The following AKT3 variants were observed in gnomAD, a reference collection of about 807,000 sequenced individuals.
The protein encoded by AKT3 is AKT serine/threonine kinase 3.
Under a neutral mutation model 65.3 loss-of-function variants are expected in AKT3, and 15 were observed. That is an observed-to-expected ratio of 0.23 (90% CI 0.15 to 0.35). AKT3 has a LOEUF of 0.35. AKT3 is among the 10% of genes least tolerant of loss of function. The pLI, the probability that AKT3 is intolerant of heterozygous loss-of-function variation, is 1.00. For missense variants in AKT3, 243 were observed against 576.5 expected (o/e 0.42, Z 5.92); for synonymous variants, 206 against 183.8 (o/e 1.12, Z -0.98).
chr1:243,670,921 AATAC>A (rs1465307577), intron 3 of AKT3, among the ~76,000 whole-genome samples: 1 of 152,188 alleles, frequency 6.6e-6, no homozygotes, highest in African/African-American at 2.4e-5. Flanking sequence ...CAGACCAAGA[AATAC>A]ATACACCAAA....
At chr1:243,791,481 T>C (rs898601122) in intron 2 of AKT3, among the ~76,000 whole-genome samples, 7 of 152,208 alleles carry the variant, frequency 4.6e-5, no homozygotes, top group African/African-American at 1.7e-4. Context: ...CTCTGATTCA[T>C]TATACCTTTA....
chr1:243,681,017 T>C (rs1464198566), intron 3 of AKT3, among the ~76,000 whole-genome samples: 1 of 152,110 alleles, frequency 6.6e-6, no homozygotes, highest in Non-Finnish European at 1.5e-5. Flanking sequence ...GGCCCTACTG[T>C]AAGGTAGTCA....
intron 2 of AKT3, among the ~76,000 whole-genome samples, chr1:243,767,274 G>C (rs549066429): frequency 1.3e-5 from 2 of 151,998 alleles, no homozygotes; most frequent in Non-Finnish European, 2.9e-5. Context: ...ATGAGGAGGG[G>C]GCAATCAATA....
intron 12 of AKT3, among the ~76,000 whole-genome samples, chr1:243,517,694 T>A (rs1670454871): frequency 6.6e-6 from 1 of 152,244 alleles, no homozygotes; most frequent in Non-Finnish European, 1.5e-5. Flanking sequence ...TATCTTACAT[T>A]TAAAGTTGGT....
chr1:243,805,743 G>T (rs1021454056), intron 2 of AKT3, among the ~76,000 whole-genome samples: 2 of 151,934 alleles, frequency 1.3e-5, no homozygotes, highest in Non-Finnish European at 2.9e-5. Context: ...TCTTGCTGTT[G>T]GACTTCTCTA....
chr1:243,543,417 C>T (rs571447157), intron 12 of AKT3, among the ~76,000 whole-genome samples: 1 of 151,386 alleles, frequency 6.6e-6, no homozygotes, highest in African/African-American at 2.4e-5. Flanking sequence ...CACATTGGTA[C>T]CTCAACCATT....
chr1:243,513,771 T>C (rs1269376394), intron 12 of AKT3, among the ~76,000 whole-genome samples: 2 of 152,202 alleles, frequency 1.3e-5, no homozygotes, highest in Non-Finnish European at 2.9e-5. Context: ...CAGCTGGTAA[T>C]GGCGACTAAT....
intron 2 of AKT3, among the ~76,000 whole-genome samples, chr1:243,817,878 A>G (rs1693622443): frequency 6.6e-6 from 1 of 152,264 alleles, no homozygotes. Flanking sequence ...AATTCTATCC[A>G]TGAATTAACT....
chr1:243,753,573 C>T (rs1393357192), intron 2 of AKT3, among the ~76,000 whole-genome samples: 1 of 152,140 alleles, frequency 6.6e-6, no homozygotes, highest in African/African-American at 2.4e-5. Context: ...AAAGAAATGT[C>T]CTTTCAGTAT....
At chr1:243,839,691 A>C (rs997564586) in intron 2 of AKT3, among the ~76,000 whole-genome samples, 1 of 152,148 alleles carries the variant, frequency 6.6e-6, no homozygotes, top group Non-Finnish European at 1.5e-5. Flanking sequence ...ATATTTACTG[A>C]AAAGCAACTT....
At chr1:243,596,016 G>A (rs571808341) in intron 8 of AKT3, among the ~76,000 whole-genome samples, 4 of 152,306 alleles carry the variant, frequency 2.6e-5, no homozygotes, top group South Asian at 2.1e-4. Flanking sequence ...AAACATGTGA[G>A]TAATGCACTG....
At chr1:243,784,789 C>T (rs1056307062) in intron 2 of AKT3, among the ~76,000 whole-genome samples, 2 of 152,174 alleles carry the variant, frequency 1.3e-5, no homozygotes, top group Non-Finnish European at 2.9e-5. Context: ...CTCCTGTGCT[C>T]CCCCTCCCAC....
chr1:243,756,900 A>G (rs1008767339), intron 2 of AKT3, among the ~76,000 whole-genome samples: 6 of 152,228 alleles, frequency 3.9e-5, no homozygotes, highest in African/African-American at 9.6e-5. Context: ...TCAGAATACA[A>G]TAAGAACAAA....
At chr1:243,608,549 C>T (rs576949703) in intron 8 of AKT3, among the ~76,000 whole-genome samples, 1 of 152,050 alleles carries the variant, frequency 6.6e-6, no homozygotes, top group Admixed American at 6.6e-5. Flanking sequence ...AGCTTGCTTA[C>T]AAAAGGCCAG....
chr1:243,594,220 C>A (rs1327031328), intron 8 of AKT3, among the ~76,000 whole-genome samples: 1 of 152,022 alleles, frequency 6.6e-6, no homozygotes, highest in Non-Finnish European at 1.5e-5. Flanking sequence ...TTATACAAAC[C>A]TATACACTAA....
At chr1:243,630,530 G>A (rs576547522) in intron 6 of AKT3, among the ~76,000 whole-genome samples, 46 of 152,292 alleles carry the variant, frequency 3.0e-4, no homozygotes, top group Non-Finnish European at 2.8e-4. Context: ...AGGGAAATTC[G>A]ATTTCAAGGT....
At position 243,649,329 on chromosome 1, in the gene AKT3, G is replaced by A. The variant is rs899776560; in HGVS notation, c.285-3292C>T. Among the ~76,000 whole-genome samples, 86 of 149,588 alleles carry A rather than the reference G, an allele frequency of 5.7e-4. 1 individual carries two copies. The highest frequency in any genetic ancestry group is 2.5e-3 in the South Asian group (12 of 4,732). ...TATGTGTATATGTGTGTGTGTGTGT[G>A]TGTGTGTGTGTGTGTGTGTGTGTGT... On this transcript the variant is annotated intron_variant, in intron 4 of 13. Transcript: ENST00000673466.
At chr1:243,719,549 T>C (rs1009807396) in intron 2 of AKT3, among the ~76,000 whole-genome samples, 1 of 152,182 alleles carries the variant, frequency 6.6e-6, no homozygotes, top group Admixed American at 6.5e-5. Flanking sequence ...TCAGTGAAGG[T>C]AATGCTGGCT....
At chr1:243,792,684 T>C (rs1054007650) in intron 2 of AKT3, among the ~76,000 whole-genome samples, 2 of 152,212 alleles carry the variant, frequency 1.3e-5, no homozygotes, top group African/African-American at 2.4e-5. Flanking sequence ...ACTTTAAAAA[T>C]AAAGGTGAGA....
Sources: gnomAD v4.1 joint callset for allele counts (sites outside exome capture counted in the v4.1 genomes callset) on GRCh38, gnomAD v4.1.1 for gene constraint, MANE v1.5 for transcripts, NCBI Gene and HGNC (gene_info 2026-07-23, HGNC 2026-07-21) for gene names.